The following DHRSX variants were observed in gnomAD, a reference collection of about 807,000 sequenced individuals.
DHRSX encodes the protein polyprenol dehydrogenase.
In DHRSX, 31 loss-of-function variants were observed where a neutral mutation model predicts 34.0. The observed-to-expected ratio is 0.91, with a 90% CI of 0.69 to 1.23. The LOEUF is 1.23. Among genes scored for constraint, DHRSX ranks in the 50% most tolerant of loss-of-function variants. DHRSX has a pLI of 0.00. For missense variants in DHRSX, 414 were observed against 428.1 expected, an observed-to-expected ratio of 0.97 and a Z score of 0.29; for synonymous variants, 201 against 183.8, an observed-to-expected ratio of 1.09 and a Z score of -0.76.
At chrX:2,361,214 G>T (rs1168352288) in intron 3 of DHRSX, among the ~76,000 whole-genome samples, 1 of 151,988 alleles carries the variant, frequency 6.6e-6, no homozygotes, top group Non-Finnish European at 1.5e-5. Context: ...GGGTTCAAGC[G>T]ATTCTCCTGC....
intron 4 of DHRSX, among the ~76,000 whole-genome samples, chrX:2,283,719 T>A (rs976613244): frequency 3.3e-5 from 5 of 152,358 alleles, no homozygotes; most frequent in African/African-American, 1.2e-4. Flanking sequence ...GCCCATTTGC[T>A]CATTTGAATG....
intron 3 of DHRSX, among the ~76,000 whole-genome samples, chrX:2,388,913 C>G (rs185936478): frequency 1.6e-4 from 24 of 152,298 alleles, no homozygotes; most frequent in Admixed American, 1.6e-3. Flanking sequence ...GACACAGACA[C>G]ACACAGAGGA....
chrX:2,254,563 A>C, intron 5 of DHRSX, among the ~76,000 whole-genome samples: 1 of 152,280 alleles, frequency 6.6e-6, no homozygotes, highest in South Asian at 2.1e-4. Flanking sequence ...AATATTCTTG[A>C]TAACTATCAT....
intron 3 of DHRSX, among the ~76,000 whole-genome samples, chrX:2,367,784 A>ATT (rs1479282903): frequency 6.6e-6 from 1 of 152,194 alleles, no homozygotes; most frequent in East Asian, 1.9e-4. Flanking sequence ...ATACAACTGG[A>ATT]TGGTGGGTAC....
chrX:2,421,923 G>A lies in DHRSX; in HGVS notation c.217+3274C>T, dbSNP rs992124507. 4.6e-5 allele frequency among the ~76,000 whole-genome samples: 7 copies of A among 152,172 alleles called. No individual in the cohort carries two copies. The South Asian group carries it at 8.3e-4, about 18-fold the overall frequency. On this transcript the variant is annotated intron_variant, in intron 2 of 6. Transcript: ENST00000334651. ...CTTTTATCTGCATGTCAACTTCATC[G>A]ATTCGTAACATGATGACTTTTAGCC...
At chrX:2,255,337 A>G (rs2041261990) in intron 5 of DHRSX, among the ~76,000 whole-genome samples, 1 of 152,080 alleles carries the variant, frequency 6.6e-6, no homozygotes, top group African/African-American at 2.4e-5. Context: ...TGTCCGACAT[A>G]TCTCAGAACA....
chrX:2,320,180 T>C (rs2042291283), intron 3 of DHRSX, among the ~76,000 whole-genome samples: 1 of 151,700 alleles, frequency 6.6e-6, no homozygotes. Flanking sequence ...TACATCTCAG[T>C]GTCCCTCAAG....
chrX:2,283,467 G>A (rs193192557), intron 4 of DHRSX, among the ~76,000 whole-genome samples: 1 of 152,222 alleles, frequency 6.6e-6, no homozygotes, highest in Non-Finnish European at 1.5e-5. Flanking sequence ...CATGCGCCGC[G>A]ATGCAACACT....
At chrX:2,481,664 T>TAA (rs760453949) in intron 1 of DHRSX, among the ~76,000 whole-genome samples, 1 of 145,316 alleles carries the variant, frequency 6.9e-6, no homozygotes, top group Non-Finnish European at 1.5e-5. Context: ...GAAACTGTCT[T>TAA]AAAAAAAAAA....
chrX:2,446,240 C>A (rs2044132476), intron 1 of DHRSX, among the ~76,000 whole-genome samples: 1 of 152,020 alleles, frequency 6.6e-6, no homozygotes, highest in Non-Finnish European at 1.5e-5. Context: ...AAGAATGTGG[C>A]CAAGGGACCC....
intron 1 of DHRSX, among the ~76,000 whole-genome samples, chrX:2,494,443 A>C (rs939020351): frequency 5.3e-5 from 8 of 151,920 alleles, no homozygotes; most frequent in African/African-American, 1.9e-4. Flanking sequence ...ACAGAACAAA[A>C]GTTTATATTC....
chrX:2,437,769 T>C (rs1281891521), intron 1 of DHRSX, among the ~76,000 whole-genome samples: 2 of 149,900 alleles, frequency 1.3e-5, no homozygotes, highest in Admixed American at 6.7e-5. Flanking sequence ...AAAGTGAAGA[T>C]GACCAGCAGC....
chrX:2,306,578 A>G (rs143963474), intron 3 of DHRSX, among the ~76,000 whole-genome samples: 2,607 of 151,270 alleles, frequency 0.017, 79 homozygotes, highest in African/African-American at 0.061. Context: ...TCAGCCTCCC[A>G]AGTAGCTGGG....
chrX:2,298,007 C>T (rs772805837), intron 3 of DHRSX, among the ~76,000 whole-genome samples: 73 of 152,200 alleles, frequency 4.8e-4, no homozygotes, highest in African/African-American at 1.7e-3. Flanking sequence ...CTGCCCGCCT[C>T]GGCCTCCCAA....
At chrX:2,378,049 A>T (rs2043162272) in intron 3 of DHRSX, among the ~76,000 whole-genome samples, 1 of 152,172 alleles carries the variant, frequency 6.6e-6, no homozygotes, top group African/African-American at 2.4e-5. Flanking sequence ...TGTGCACACA[A>T]TACTTCAACT....
intron 3 of DHRSX, among the ~76,000 whole-genome samples, chrX:2,346,888 G>C (rs2042724920): frequency 6.6e-6 from 1 of 151,994 alleles, no homozygotes; most frequent in Non-Finnish European, 1.5e-5. Context: ...TTATGAGTGA[G>C]AACATGAGGT....
chrX:2,301,285 T>C (rs2042005957), intron 3 of DHRSX, among the ~76,000 whole-genome samples: 1 of 152,092 alleles, frequency 6.6e-6, no homozygotes, highest in South Asian at 2.1e-4. Context: ...TGGTGGTGCA[T>C]TGCCTGTAAT....
At chrX:2,468,117 T>A (rs6655010) in intron 1 of DHRSX, among the ~76,000 whole-genome samples, 42,136 of 151,714 alleles carry the variant, frequency 0.28, 6,502 homozygotes, top group African/African-American at 0.43. Flanking sequence ...ATATAAAGAA[T>A]CACACTAGAA....
chrX:2,362,393 C>T (rs140529403), intron 3 of DHRSX, among the ~76,000 whole-genome samples: 3,442 of 152,252 alleles, frequency 0.023, 135 homozygotes, highest in African/African-American at 0.078. Context: ...CTCCGCCTCC[C>T]GGGTTCAAGC....
Sources: allele counts gnomAD v4.1 joint callset (sites outside exome capture counted in the v4.1 genomes callset), GRCh38; gene constraint gnomAD v4.1.1; transcripts MANE v1.5; gene names NCBI Gene and HGNC (gene_info 2026-07-23, HGNC 2026-07-21).